Variants in ST6GALNAC2 observed in about 807,000 individuals in gnomAD.
ST6GALNAC2 encodes ST6 N-acetylgalactosaminide alpha-2,6-sialyltransferase 2.
A neutral mutation model predicts 38.7 loss-of-function variants in ST6GALNAC2; 42 were observed. The observed-to-expected ratio is 1.09, with a 90% CI of 0.85 to 1.40. The LOEUF (loss-of-function observed/expected upper bound fraction) is 1.40, where lower values mean the gene tolerates loss of function less well. Among genes scored for constraint, ST6GALNAC2 ranks in the 40% most tolerant of loss-of-function variants. ST6GALNAC2 has a pLI of 0.00. For missense variants in ST6GALNAC2, 506 were observed against 481.7 expected (o/e 1.05, Z -0.47); for synonymous variants, 233 against 209.0 (o/e 1.11, Z -0.99).
At chr17:76,572,036 G>A (rs925783037) in intron 5 of ST6GALNAC2, among the ~76,000 whole-genome samples, 4 of 152,094 alleles carry the variant, frequency 2.6e-5, no homozygotes, top group African/African-American at 4.8e-5. Flanking sequence ...CAACCCCAGC[G>A]CTGGGGTCAG....
At chr17:76,568,624 G>C in intron 7 of ST6GALNAC2, 89 bp downstream of exon 7, 1 of 1,276,376 alleles carries the variant, frequency 7.8e-7, no homozygotes, top group South Asian at 1.2e-5. Flanking sequence ...CAGTGCGTGG[G>C]GCTCGTGCGA....
At chr17:76,569,644 C>T (rs1191446526) in intron 6 of ST6GALNAC2, 2 of 398,320 alleles carry the variant, frequency 5.0e-6, no homozygotes, top group African/African-American at 4.1e-5. Context: ...GGAAGGGGAG[C>T]TCATTGGTGT....
At chr17:76,578,904 G>A (rs2075446662) in intron 1 of ST6GALNAC2, 88 bp from the exon 2 acceptor site, 3 of 1,179,890 alleles carry the variant, frequency 2.5e-6, no homozygotes, top group Non-Finnish European at 3.6e-6. Flanking sequence ...CTTAGCTCTA[G>A]GGGCGGACAA....
At chr17:76,570,759 A>G in intron 5 of ST6GALNAC2, 91 bp from the exon 6 acceptor site, 1 of 945,760 alleles carries the variant, frequency 1.1e-6, no homozygotes, top group Non-Finnish European at 1.6e-6. Flanking sequence ...TTGCCCCCTG[A>G]GCCGACTGGA....
At position 76,574,359 on chromosome 17, in the gene ST6GALNAC2, G is replaced by A; in HGVS notation, c.361+6C>T. On this transcript the variant is annotated splice_donor_region_variant and intron_variant, in intron 3 of 8. Transcript: ENST00000225276. Reference sequence around the variant, plus strand: ...AGGCAGGTGAGAGACAGCGGGCGCGGGTTACCTTGGTGAGAGAGCCCCCGC... The same window carrying A: ...AGGCAGGTGAGAGACAGCGGGCGCGAGTTACCTTGGTGAGAGAGCCCCCGC... The A allele has an allele frequency of 6.2e-7, 1 of 1,610,302 alleles. No individual in the cohort carries two copies. Among genetic ancestry groups the A allele is most frequent in the Non-Finnish European group, 8.5e-7 (1 of 1,177,766 alleles).
In ST6GALNAC2 at chr17:76,568,787, G is replaced by C; in HGVS notation, c.783C>G (p.Ala261=). The change falls in exon 7 of 9, where the codon GCC becomes GCG. Residue 261 remains alanine (A), a synonymous_variant. Transcript: ENST00000225276. ...TGGCAGAGGCTTCTGGTCCAAAATAGGCGTGCGGCCTAGGACCCATGATAG... is the reference window on the plus strand; with the variant it reads ...TGGCAGAGGCTTCTGGTCCAAAATACGCGTGCGGCCTAGGACCCATGATAG... The part of the protein sequence containing the change: ...EGLDKGDRPH[A]YFGPEASASK... 1 of 1,613,354 alleles carries C rather than the reference G, an allele frequency of 6.2e-7. No individual in the cohort carries two copies. Among genetic ancestry groups the C allele is most frequent in the South Asian group, 1.1e-5 (1 of 91,064 alleles).
At chr17:76,570,945 G>C (rs866637640) in intron 5 of ST6GALNAC2, 20 of 390,126 alleles carry the variant, frequency 5.1e-5, no homozygotes, top group African/African-American at 2.4e-4. Flanking sequence ...GAAAGTGATG[G>C]TGTGTGGCTT....
Position 76,567,359 on chromosome 17 carries a change from C to G in ST6GALNAC2, c.957+94G>C. On this transcript the variant is annotated intron_variant, in intron 8 of 8. Coordinates refer to ENST00000225276, the MANE Select transcript of ST6GALNAC2 (RefSeq NM_006456.3). ...GATTCCACGAACAGAGGCCAAGAGTCCCAGCTCCGAGGTAAGGGATATCAG... is the reference window on the plus strand; with the variant it reads ...GATTCCACGAACAGAGGCCAAGAGTGCCAGCTCCGAGGTAAGGGATATCAG... The G allele has an allele frequency of 4.5e-6, 4 of 892,930 alleles. No individual in the cohort carries two copies. The South Asian group carries it at 5.6e-5, about 12-fold the overall frequency. 55.3% of individuals were successfully genotyped at this position (892,930 alleles called of 1,614,324 possible).
At chr17:76,568,691 C>G in intron 7 of ST6GALNAC2, 22 bp downstream of exon 7, 1 of 1,612,916 alleles carries the variant, frequency 6.2e-7, no homozygotes, top group Non-Finnish European at 8.5e-7. Context: ...GGACGCTGTT[C>G]TTCAGGCACC....
intron 2 of ST6GALNAC2, among the ~76,000 whole-genome samples, chr17:76,578,448 A>G (rs1055708704): frequency 6.6e-6 from 1 of 152,130 alleles, no homozygotes; most frequent in East Asian, 1.9e-4. Flanking sequence ...GGAAGTAGAT[A>G]TTTTGAGGAG....
intron 8 of ST6GALNAC2, among the ~76,000 whole-genome samples, chr17:76,566,885 C>T (rs77285242): frequency 0.02 from 3,010 of 152,156 alleles, 102 homozygotes; most frequent in African/African-American, 0.068. Flanking sequence ...CATTTGGCCC[C>T]CAGCTCTCCA....
Position 76,573,338 on chromosome 17 carries a change from C to G in ST6GALNAC2, c.387G>C (p.Leu129=). 1.3e-6 allele frequency: 2 copies of G among 1,568,496 alleles called. No individual in the cohort carries two copies. Among genetic ancestry groups the G allele is most frequent in the Non-Finnish European group, 1.7e-6 (2 of 1,156,332 alleles). Residue 129 remains leucine, a synonymous_variant, in exon 4 of 9, where the codon CTG becomes CTC. Transcript: ENST00000225276. The surrounding 1 kb of genome is among the most constrained non-coding windows in gnomAD (Gnocchi z 5.1). ...ACAGCTTGGCACTCTCTGAGCCGTT[C>G]AGAAGGCTCAGGGTGGAGGCGATGA... ...HQVIASTLSL[L]NGSESAKLFA...
intron 7 of ST6GALNAC2, 44 bp from the exon 8 acceptor site, chr17:76,567,596 A>C (rs772012009): frequency 7.8e-7 from 1 of 1,290,158 alleles, no homozygotes; most frequent in South Asian, 1.2e-5. Context: ...CTTGATGGCT[A>C]TCATCACACT....
chr17:76,566,178 G>C lies in ST6GALNAC2; in HGVS notation c.1051C>G (p.His351Asp). 6.2e-7 allele frequency: 1 copy of C among 1,614,080 alleles called. No homozygotes were observed. The highest frequency in any genetic ancestry group is 8.5e-7 in the Non-Finnish European group (1 of 1,180,034). ...KMKPLIFYAN[H>D]DLSLEAALWR... ...AGGGCAGCTTCCAGGGACAGATCGT[G>C]GTTTGCATAAAATATCAATGGCTTC... Residue 351 changes from histidine to aspartate, a missense_variant, in exon 9 of 9, where the codon CAC becomes GAC. Coordinates refer to ENST00000225276, the MANE Select transcript of ST6GALNAC2 (RefSeq NM_006456.3).
chr17:76,568,517 T>C (rs2075312002), intron 7 of ST6GALNAC2, 196 bp downstream of exon 7: 3 of 609,676 alleles, frequency 4.9e-6, no homozygotes, highest in East Asian at 5.5e-5. Context: ...GACTGACATA[T>C]ATCACCCTCC....
At chr17:76,570,803 G>A (rs1465408536) in intron 5 of ST6GALNAC2, 135 bp from the exon 6 acceptor site, 1 of 680,472 alleles carries the variant, frequency 1.5e-6, no homozygotes, top group East Asian at 2.7e-5. Context: ...TTCCCACCCA[G>A]AGGTGCTGTA....
In ST6GALNAC2 at chr17:76,585,767, C is replaced by G; in HGVS notation, c.42G>C (p.Leu14=). ...PRGSFFWLLL[L]LTAACSGLLF... ...GGAGCCCCGAGCAGGCAGCCGTGAGCAGGAGCAGCAGCCAGAAGAACGACC... is the reference window on the plus strand; with the variant it reads ...GGAGCCCCGAGCAGGCAGCCGTGAGGAGGAGCAGCAGCCAGAAGAACGACC... The change falls in exon 1 of 9, where the codon CTG becomes CTC. Residue 14 remains leucine (L), a synonymous_variant. Coordinates refer to ENST00000225276, the MANE Select transcript of ST6GALNAC2 (RefSeq NM_006456.3). 1 of 1,554,554 alleles carries G rather than the reference C, an allele frequency of 6.4e-7. No individual in the cohort carries two copies. Among genetic ancestry groups the G allele is most frequent in the Non-Finnish European group, 8.7e-7 (1 of 1,152,274 alleles).
Position 76,566,046 on chromosome 17 carries a change from C to T in ST6GALNAC2, c.*58G>A, listed in dbSNP as rs144698875. The T allele has an allele frequency of 4.5e-3, 6,933 of 1,546,034 alleles. 15 individuals carry two copies. Among genetic ancestry groups the T allele is most frequent in the Admixed American group, 0.013 (613 of 47,976 alleles). On this transcript the variant is annotated 3_prime_UTR_variant, in exon 9 of 9. Transcript: ENST00000225276. ...TTGAAAAGTTAAAAAAGCTTTTGGC[C>T]ACTTGAGAGGATCAGGGCCGCAACT...
chr17:76,578,254 C>T (rs746696196), intron 2 of ST6GALNAC2, among the ~76,000 whole-genome samples: 2 of 152,118 alleles, frequency 1.3e-5, no homozygotes, highest in Non-Finnish European at 2.9e-5. Flanking sequence ...GTAAGGGCCA[C>T]ATTCTAGGGT....
Sources: gnomAD v4.1 joint callset for allele counts (sites outside exome capture counted in the v4.1 genomes callset) on GRCh38, gnomAD v4.1.1 for gene constraint, Gnocchi (gnomAD v3.1) non-coding constraint, MANE v1.5 for transcripts, NCBI Gene and HGNC (gene_info 2026-07-23, HGNC 2026-07-21) for gene names.